The following WDR13 variants were observed in gnomAD, a reference collection of about 807,000 sequenced individuals.
WDR13 encodes the protein WD repeat-containing protein 13.
WDR13 carries 1 observed loss-of-function variant against 28.6 expected under a neutral mutation model. The observed-to-expected ratio is 0.03, with a 90% CI of 0.01 to 0.17. WDR13 has a LOEUF of 0.17. WDR13 is among the 10% of genes least tolerant of loss of function. WDR13 has a pLI of 1.00. For synonymous variants in WDR13, 201 were observed against 185.9 expected, an observed-to-expected ratio of 1.08 and a Z score of -0.66; for missense variants, 264 against 469.3, an observed-to-expected ratio of 0.56 and a Z score of 4.04.
Position 48,598,379 on chromosome X carries a change from C to T in WDR13, c.42-338C>T. On this transcript the variant is annotated intron_variant, in intron 2 of 9. Transcript: ENST00000376729. ...CTTCCCCATTCTGACCCCATCACCTCCCAACGCTGACCCCCATAATGTCAG... is the reference window on the plus strand; with the variant it reads ...CTTCCCCATTCTGACCCCATCACCTTCCAACGCTGACCCCCATAATGTCAG... 3 of 1,014,517 alleles carry T rather than the reference C, an allele frequency of 3.0e-6. No individual in the cohort carries two copies. The South Asian group carries it at 8.8e-5, about 30-fold the overall frequency. The allele number at this position is 1,014,517 out of a possible 1,213,427, so 83.6% of individuals were successfully genotyped here. A position where few individuals can be genotyped will look rare whatever the true frequency, so the allele number is the denominator to read the frequency against.
At chrX:48,597,933 C>T in intron 1 of WDR13, 25 bp from the exon 2 acceptor site, 1 of 1,153,971 alleles carries the variant, frequency 8.7e-7, no homozygotes, top group South Asian at 2.0e-5. Context: ...TCGGGACGCT[C>T]ACATTCCAGG....
intron 8 of WDR13, among the ~76,000 whole-genome samples, chrX:48,603,955 A>G (rs1569488980): frequency 9.0e-6 from 1 of 111,094 alleles, no homozygotes; most frequent in Admixed American, 9.6e-5. Flanking sequence ...GCCCCTACTT[A>G]TAGTTTATGT....
chrX:48,597,715 G>A, intron 1 of WDR13, 101 bp downstream of exon 1: 1 of 335,063 alleles, frequency 3.0e-6, no homozygotes, highest in Non-Finnish European at 5.1e-6. Flanking sequence ...AATGCTAGGC[G>A]GGGGAGGGGC....
Position 48,600,500 on chromosome X carries a change from C to T in WDR13, c.705C>T (p.Thr235=), listed in dbSNP as rs1486836759. 7 of 1,211,142 alleles carry T rather than the reference C, an allele frequency of 5.8e-6. No homozygotes were observed. The African/African-American group carries it at 1.0e-4, about 18-fold the overall frequency. Residue 235 remains threonine, a synonymous_variant, in exon 6 of 10, where the codon ACC becomes ACT. Transcript: ENST00000376729. ...TCTCCAATGACATCCTCGTGTCCAC[C>T]TCACTGGATGCCACCATGCGCATCT... ...WSLSNDILVS[T]SLDATMRIWA...
intron 2 of WDR13, chrX:48,598,410 T>C: frequency 9.9e-7 from 1 of 1,009,612 alleles, no homozygotes; most frequent in Non-Finnish European, 1.3e-6. Context: ...GTCAGTCTGA[T>C]TTCTGTCGCC....
chrX:48,600,246 C>T (rs1295503686), intron 5 of WDR13, 73 bp from the exon 6 acceptor site: 20 of 1,114,099 alleles, frequency 1.8e-5, no homozygotes, highest in Admixed American at 1.0e-4. Context: ...CAGGCACACA[C>T]GTCAGAGCCT....
chrX:48,600,754 C>T (rs1556994262), intron 6 of WDR13, 128 bp downstream of exon 6: 5 of 789,398 alleles, frequency 6.3e-6, no homozygotes, highest in East Asian at 7.2e-5. Context: ...CACCCAATCT[C>T]GTCAGAGCAG....
chrX:48,601,700 C>G (rs782757186), intron 6 of WDR13, 84 bp from the exon 7 acceptor site: 1 of 973,881 alleles, frequency 1.0e-6, no homozygotes, highest in Non-Finnish European at 1.4e-6. Flanking sequence ...ACCAGCCAGT[C>G]GCATCAACAG....
In WDR13 at chrX:48,605,352, C is replaced by G. The variant is rs1978383683; in HGVS notation, c.*320C>G. 3.7e-6 allele frequency: 1 copy of G among 270,587 alleles called. No individual in the cohort carries two copies. Among genetic ancestry groups the G allele is most frequent in the Non-Finnish European group, 6.7e-6 (1 of 148,864 alleles). The allele number at this position is 270,587 out of a possible 1,213,427, so 22.3% of individuals were successfully genotyped here. A position where few individuals can be genotyped will look rare whatever the true frequency, so the allele number is the denominator to read the frequency against. ...CCCTGACCGTGTGCCAGGAACTGTT[C>G]TAGGCACTGGGGATACTGCTCTGAC... On this transcript the variant is annotated 3_prime_UTR_variant, in exon 10 of 10. Transcript: ENST00000376729.
intron 5 of WDR13, 106 bp downstream of exon 5, chrX:48,599,823 A>G: frequency 9.2e-7 from 1 of 1,082,750 alleles, no homozygotes; most frequent in Non-Finnish European, 1.2e-6. Flanking sequence ...ACTCCAAAGG[A>G]GGAATGACCA....
chrX:48,598,232 G>GA (rs2062156568), intron 2 of WDR13, 195 bp downstream of exon 2: 4 of 1,105,652 alleles, frequency 3.6e-6, no homozygotes, highest in South Asian at 4.7e-5. Context: ...AGCAAGCTGG[G>GA]AAAATGTGGT....
At position 48,597,649 on chromosome X, in the gene WDR13, G is replaced by A. The variant is rs959993538; in HGVS notation, c.-40+35G>A. On this transcript the variant is annotated intron_variant, in intron 1 of 9. Transcript: ENST00000376729. ...GATCCCGGGCTATGCTCTTGGATCT[G>A]AGAAGGGAAGGCGGAGGGCGGCGGG... 9 of 237,838 alleles carry A rather than the reference G, an allele frequency of 3.8e-5. No individual in the cohort carries two copies. The East Asian group carries it at 7.7e-4, about 20-fold the overall frequency. 19.6% of individuals were successfully genotyped at this position (237,838 alleles called of 1,213,427 possible).
In WDR13 at chrX:48,604,943, C is replaced by T; in HGVS notation, c.1369C>T (p.Leu457Phe). Residue 457 changes from leucine (L) to phenylalanine (F), a missense_variant, in exon 10 of 10, where the codon CTT becomes TTT. Coordinates refer to ENST00000376729, the MANE Select transcript of WDR13 (RefSeq NM_001347217.2). ...GCTGCAGGGCCACAGTGCACCTGTG[C>T]TTGATGTCAGCTTCAACTGCGACGA... is the stretch of plus-strand genomic sequence containing the variant. ...NKLQGHSAPV[L>F]DVSFNCDESL... The T allele has an allele frequency of 8.3e-7, 1 of 1,211,960 alleles. No individual in the cohort carries two copies. Among genetic ancestry groups the T allele is most frequent in the Non-Finnish European group, 1.1e-6 (1 of 895,423 alleles).
In WDR13 at chrX:48,605,109, G is replaced by T. The variant is rs1035650376; in HGVS notation, c.*77G>T. 2.7e-6 allele frequency: 3 copies of T among 1,105,751 alleles called. No individual in the cohort carries two copies. The highest frequency in any genetic ancestry group is 3.6e-6 in the Non-Finnish European group (3 of 831,020). 91.1% of individuals were successfully genotyped at this position (1,105,751 alleles called of 1,213,427 possible). ...TCGTGTTGTAAATAAAGTTTCGGTG[G>T]TCATGCTGAGGGCCGGCTCCCAGCT... On this transcript the variant is annotated 3_prime_UTR_variant, in exon 10 of 10. Coordinates refer to ENST00000376729, the MANE Select transcript of WDR13 (RefSeq NM_001347217.2).
chrX:48,599,229 G>A, intron 3 of WDR13, 124 bp from the exon 4 acceptor site: 4 of 632,053 alleles, frequency 6.3e-6, no homozygotes, highest in South Asian at 3.0e-5. Context: ...AGTGGGCAGC[G>A]GTGGTGGTGG....
chrX:48,599,110 A>C, intron 3 of WDR13, 153 bp downstream of exon 3: 1 of 864,155 alleles, frequency 1.2e-6, no homozygotes, highest in Non-Finnish European at 1.6e-6. Flanking sequence ...AAACACACAA[A>C]CTTTGTAAAC....
intron 1 of WDR13, 171 bp downstream of exon 1, chrX:48,597,785 C>A: frequency 1.8e-6 from 1 of 541,824 alleles, no homozygotes; most frequent in Non-Finnish European, 2.8e-6. Context: ...GTCACCCGGG[C>A]GCTGCCCAGG....
At chrX:48,599,887 G>A (rs952557932) in intron 5 of WDR13, 170 bp downstream of exon 5, 16 of 732,525 alleles carry the variant, frequency 2.2e-5, no homozygotes, top group East Asian at 3.5e-5. Context: ...TCAGTGCTTC[G>A]TCTACTGGAA....
chrX:48,607,219 T>C lies in WDR13; in HGVS notation c.*2187T>C, dbSNP rs1205745937. The C allele has an allele frequency of 1.8e-5, 2 of 110,761 alleles. No individual in the cohort carries two copies. Among genetic ancestry groups the C allele is most frequent in the Non-Finnish European group, 3.8e-5 (2 of 52,915 alleles). 9.1% of individuals were successfully genotyped at this position (110,761 alleles called of 1,213,427 possible). A position where few individuals can be genotyped will look rare whatever the true frequency, so the allele number is the denominator to read the frequency against. ...ACTCCCAGAGAGACCCAGGCACAAG[T>C]TTCCAGGGCTTCTCTCTCATTGGAG... On this transcript the variant is annotated 3_prime_UTR_variant, in exon 10 of 10. Coordinates refer to ENST00000376729, the MANE Select transcript of WDR13 (RefSeq NM_001347217.2).
Sources: gnomAD v4.1 joint callset for allele counts (sites outside exome capture counted in the v4.1 genomes callset) on GRCh38, gnomAD v4.1.1 for gene constraint, MANE v1.5 for transcripts, NCBI Gene and HGNC (gene_info 2026-07-23, HGNC 2026-07-21) for gene names.